Variants in ARHGEF9 observed in about 807,000 individuals in gnomAD.
ARHGEF9 encodes the protein Cdc42 guanine nucleotide exchange factor 9, also known as rho guanine nucleotide exchange factor 9.
ARHGEF9 carries 2 observed loss-of-function variants against 41.3 expected under a neutral mutation model. The observed-to-expected ratio is 0.05, with a 90% CI of 0.02 to 0.15. The LOEUF (loss-of-function observed/expected upper bound fraction) is 0.15. Ranked by LOEUF, ARHGEF9 falls within the 10% of genes least tolerant of loss-of-function variation. ARHGEF9 has a pLI of 1.00. For synonymous variants in ARHGEF9, 160 were observed against 154.4 expected, an observed-to-expected ratio of 1.04 and a Z score of -0.27; for missense variants, 225 against 424.7, an observed-to-expected ratio of 0.53 and a Z score of 4.13.
intron 9 of ARHGEF9, chrX:63,639,576 C>T (rs2047496687): frequency 9.0e-6 from 1 of 111,500 alleles, no homozygotes; most frequent in African/African-American, 3.3e-5. Context: ...ACAAGGATCC[C>T]TGTTGTTACA....
chrX:63,635,200 G>C lies in ARHGEF9; in HGVS notation c.*2828C>G. 1 of 259,308 alleles carries C rather than the reference G, an allele frequency of 3.9e-6. No individual in the cohort carries two copies. The allele number at this position is 259,308 out of a possible 1,213,427, so 21.4% of individuals were successfully genotyped here. A position where few individuals can be genotyped will look rare whatever the true frequency, so the allele number is the denominator to read the frequency against. ...CCACCCCATCCCCAAAGCACTAAAA[G>C]ATCACTATTTGGCTTCACACTAGAA... On this transcript the variant is annotated 3_prime_UTR_variant, in exon 10 of 10. Transcript: ENST00000671741.
rs1381529212 is a variant in ARHGEF9, at chrX:63,669,002, A to G, written c.946-2985T>C. On this transcript the variant is annotated intron_variant, in intron 6 of 9. Coordinates refer to ENST00000671741, the MANE Select transcript of ARHGEF9 (RefSeq NM_001353921.2). ...TCAAAAGACCTGGGCTCTGAGTCCA[A>G]TGCTGCTACCAACTCACTCTTGAGT... is the stretch of plus-strand genomic sequence containing the variant. Among the ~76,000 whole-genome samples the G allele has an allele frequency of 8.0e-5, 9 of 112,286 alleles. No individual in the cohort carries two copies. The Admixed American group carries it at 8.5e-4, about 11-fold the overall frequency.
intron 6 of ARHGEF9, 39 bp downstream of exon 6, chrX:63,673,999 A>C (rs2050109402): frequency 1.7e-6 from 2 of 1,206,648 alleles, no homozygotes; most frequent in Non-Finnish European, 2.2e-6. Context: ...TTGCCAAGCT[A>C]TTCAGATTTC....
chrX:63,663,839 G>A (rs1268870411), intron 7 of ARHGEF9, among the ~76,000 whole-genome samples: 1 of 112,221 alleles, frequency 8.9e-6, no homozygotes, highest in East Asian at 2.8e-4. Context: ...ATAACAAATG[G>A]AAATCTTCAA....
chrX:63,714,116 G>C (rs1194750521), intron 2 of ARHGEF9, among the ~76,000 whole-genome samples: 1 of 111,170 alleles, frequency 9.0e-6, no homozygotes, highest in Non-Finnish European at 1.9e-5. Context: ...AAATGGGACC[G>C]ACCCACCGAG....
chrX:63,765,753 T>C (rs1569506140), intron 1 of ARHGEF9, among the ~76,000 whole-genome samples: 1 of 112,121 alleles, frequency 8.9e-6, no homozygotes, highest in Non-Finnish European at 1.9e-5. Context: ...TTTTTAAAAA[T>C]TGTCATGCTA....
intron 1 of ARHGEF9, among the ~76,000 whole-genome samples, chrX:63,761,723 T>C (rs2056037699): frequency 9.0e-6 from 1 of 111,632 alleles, no homozygotes; most frequent in Non-Finnish European, 1.9e-5. Flanking sequence ...AACTTTTCCC[T>C]CAAGAAAAAC....
intron 4 of ARHGEF9, among the ~76,000 whole-genome samples, chrX:63,681,668 A>C (rs2050633720): frequency 9.0e-6 from 1 of 111,471 alleles, no homozygotes; most frequent in African/African-American, 3.3e-5. Flanking sequence ...TTCCACCTCA[A>C]GGAACTAGAA....
intron 1 of ARHGEF9, among the ~76,000 whole-genome samples, chrX:63,783,495 A>G (rs1175672947): frequency 1.8e-5 from 2 of 111,086 alleles, no homozygotes; most frequent in East Asian, 5.7e-4. Flanking sequence ...ACCTCAGATG[A>G]TCCACCCGCC....
intron 1 of ARHGEF9, among the ~76,000 whole-genome samples, chrX:63,774,712 A>C (rs782646114): frequency 5.4e-5 from 6 of 112,088 alleles, no homozygotes; most frequent in African/African-American, 9.7e-5. Context: ...TGCAGTTTAT[A>C]TAAAAACCCT....
intron 8 of ARHGEF9, among the ~76,000 whole-genome samples, chrX:63,648,450 G>T (rs1198534179): frequency 9.0e-6 from 1 of 111,206 alleles, no homozygotes; most frequent in Admixed American, 9.6e-5. Context: ...CCTGAAGGAA[G>T]CACTAAACAC....
intron 6 of ARHGEF9, among the ~76,000 whole-genome samples, chrX:63,673,109 A>G (rs112101570): frequency 0.077 from 8,603 of 111,767 alleles, 638 homozygotes; most frequent in African/African-American, 0.24. Context: ...ATAAAAGGAA[A>G]GTGACTTTTT....
Position 63,665,868 on chromosome X carries a change from A to G in ARHGEF9, c.1077+18T>C. ...GTTAGGTACCCATCTCCCTCAGGGA[A>G]GAAGGGGGCAGGGTTACCTTCTTGC... On this transcript the variant is annotated intron_variant, in intron 7 of 9. Coordinates refer to ENST00000671741, the MANE Select transcript of ARHGEF9 (RefSeq NM_001353921.2). The G allele has an allele frequency of 8.3e-7, 1 of 1,208,591 alleles. No individual in the cohort carries two copies. The highest frequency in any genetic ancestry group is 1.1e-6 in the Non-Finnish European group (1 of 894,046).
chrX:63,781,925 T>G (rs1182596026), intron 1 of ARHGEF9, among the ~76,000 whole-genome samples: 1 of 112,005 alleles, frequency 8.9e-6, no homozygotes, highest in Non-Finnish European at 1.9e-5. Context: ...AAAATCCTCT[T>G]CTCCTAAACA....
At chrX:63,779,068 AG>A in intron 1 of ARHGEF9, among the ~76,000 whole-genome samples, 1 of 112,122 alleles carries the variant, frequency 8.9e-6, no homozygotes, top group Middle Eastern at 4.6e-3. Flanking sequence ...CGTAAAAGCC[AG>A]GTCCTAAACC....
intron 1 of ARHGEF9, among the ~76,000 whole-genome samples, chrX:63,749,262 C>T (rs1220584976): frequency 9.0e-6 from 1 of 111,393 alleles, no homozygotes; most frequent in Non-Finnish European, 1.9e-5. Flanking sequence ...GACGGACTCT[C>T]GCTCTGTCAC....
intron 1 of ARHGEF9, among the ~76,000 whole-genome samples, chrX:63,773,304 T>A (rs2056234797): frequency 8.9e-6 from 1 of 112,063 alleles, no homozygotes; most frequent in African/African-American, 3.2e-5. Context: ...AAGCCTTGGG[T>A]TGGGGCAGGA....
chrX:63,658,223 T>C (rs782666890), intron 7 of ARHGEF9, among the ~76,000 whole-genome samples: 1 of 112,306 alleles, frequency 8.9e-6, no homozygotes, highest in South Asian at 3.7e-4. Context: ...GATGTGTTAC[T>C]AAAATTATCC....
chrX:63,681,727 G>A (rs2050636963), intron 4 of ARHGEF9, among the ~76,000 whole-genome samples: 1 of 110,241 alleles, frequency 9.1e-6, no homozygotes, highest in Admixed American at 9.7e-5. Context: ...AAAAATAAAA[G>A]ATCAAAGCAG....
Sources: allele counts gnomAD v4.1 joint callset (sites outside exome capture counted in the v4.1 genomes callset), GRCh38; gene constraint gnomAD v4.1.1; transcripts MANE v1.5; gene names NCBI Gene and HGNC (gene_info 2026-07-23, HGNC 2026-07-21).